Variants in ACACB observed in about 807,000 individuals in gnomAD.
ACACB encodes acetyl-CoA carboxylase 2.
In ACACB, 209 loss-of-function variants were observed where a neutral mutation model predicts 278.8. That is an observed-to-expected ratio of 0.75 (90% CI 0.67 to 0.84). ACACB has a LOEUF of 0.84. Ranked by LOEUF, ACACB falls within the 40% of genes least tolerant of loss-of-function variation. The pLI is 0.00. For missense variants in ACACB, 2,850 were observed against 3,269.0 expected, an observed-to-expected ratio of 0.87 and a Z score of 3.13; for synonymous variants, 1,174 against 1,285.6, an observed-to-expected ratio of 0.91 and a Z score of 1.86.
rs1411900970 is a variant in ACACB at position 109,233,860 on chromosome 12, G to A, written c.4239+13G>A. The A allele has an allele frequency of 6.2e-7, 1 of 1,614,020 alleles. No individual in the cohort carries two copies. Among genetic ancestry groups the A allele is most frequent in the Admixed American group, 1.7e-5 (1 of 60,030 alleles). On this transcript the variant is annotated intron_variant, in intron 30 of 52. Transcript: ENST00000338432. ...GGATGACTGCAAGGTAAGCGTCTAA[G>A]CCCAGGGAGCAACCTGGGGAGCAGG... is the stretch of plus-strand genomic sequence containing the variant.
rs372040414 is a variant in ACACB at position 109,209,288 on chromosome 12, C to T, written c.3184C>T (p.Arg1062Cys). 3.1e-5 allele frequency: 50 copies of T among 1,612,550 alleles called. No homozygotes were observed. The highest frequency in any genetic ancestry group is 1.7e-4 in the Admixed American group (10 of 59,958). ...CCCCGCCCCTGTGGAGAAGTCTGTC[C>T]GCAGGGTGATGGCCCAGTATGCCAG... ...RIPAPVEKSV[R>C]RVMAQYASNI... is the part of the protein sequence containing the mutation. Residue 1062 changes from arginine (R) to cysteine (C), a missense_variant, in exon 21 of 53, where the codon CGC becomes TGC. Physicochemically the swap from Arg to Cys is radical, Grantham distance 180. Transcript: ENST00000338432.
chr12:109,203,494 G>A (rs1369271401), intron 19 of ACACB, among the ~76,000 whole-genome samples: 1 of 152,210 alleles, frequency 6.6e-6, no homozygotes, highest in Non-Finnish European at 1.5e-5. Flanking sequence ...TTGTCTTGTT[G>A]CTTTATTATT....
chr12:109,257,243 C>T (rs1021504956), intron 45 of ACACB, among the ~76,000 whole-genome samples: 1 of 151,892 alleles, frequency 6.6e-6, no homozygotes, highest in Non-Finnish European at 1.5e-5. Context: ...CATTGCACTC[C>T]AGCCTGGGTG....
At chr12:109,170,912 T>C (rs1047669342) in intron 4 of ACACB, among the ~76,000 whole-genome samples, 9 of 151,824 alleles carry the variant, frequency 5.9e-5, no homozygotes, top group South Asian at 2.1e-4. Context: ...TCACGACTCA[T>C]TGTAGCCTCG....
At chr12:109,237,599 T>C (rs1218858399) in intron 34 of ACACB, among the ~76,000 whole-genome samples, 1 of 152,094 alleles carries the variant, frequency 6.6e-6, no homozygotes, top group Non-Finnish European at 1.5e-5. Context: ...TTTCTTGTAT[T>C]ATGTGGGTCT....
chr12:109,255,499 T>C (rs2047202302), intron 44 of ACACB, among the ~76,000 whole-genome samples: 1 of 152,238 alleles, frequency 6.6e-6, no homozygotes, highest in South Asian at 2.1e-4. Flanking sequence ...GTCAGGCCAG[T>C]CCTCGGCAGA....
chr12:109,231,136 T>A (rs73398071), intron 28 of ACACB, among the ~76,000 whole-genome samples: 2,929 of 150,758 alleles, frequency 0.019, 80 homozygotes, highest in African/African-American at 0.067. Context: ...CAAGGGAAGG[T>A]CAGATGAGAA....
chr12:109,208,091 A>G (rs890804048), intron 20 of ACACB, among the ~76,000 whole-genome samples: 1 of 152,174 alleles, frequency 6.6e-6, no homozygotes, highest in Non-Finnish European at 1.5e-5. Context: ...ACAGAGACTA[A>G]GAGACTTGCT....
At chr12:109,163,635 A>G (rs34271) in intron 2 of ACACB, among the ~76,000 whole-genome samples, 84,367 of 151,928 alleles carry the variant, frequency 0.56, 25,104 homozygotes, top group Middle Eastern at 0.71. Flanking sequence ...TCATCAAGGA[A>G]GTATTTGTTT....
At chr12:109,116,243 G>A (rs556873862), upstream of ACACB, among the ~76,000 whole-genome samples, 6 of 152,270 alleles carry the variant, frequency 3.9e-5, no homozygotes, top group East Asian at 9.6e-4. Context: ...TCCCATTCAC[G>A]GTTTTCAATG....
intron 43 of ACACB, 109 bp from the exon 44 acceptor site, chr12:109,254,105 A>T: frequency 7.5e-7 from 1 of 1,336,512 alleles, no homozygotes; most frequent in South Asian, 1.2e-5. Flanking sequence ...TAGGGAGGGG[A>T]TATTGCTGCA....
chr12:109,227,735 A>C (rs184826046), intron 28 of ACACB, among the ~76,000 whole-genome samples: 18 of 152,348 alleles, frequency 1.2e-4, no homozygotes, highest in African/African-American at 4.3e-4. Flanking sequence ...TATTTACATT[A>C]AAATGAATGC....
intron 16 of ACACB, among the ~76,000 whole-genome samples, chr12:109,195,720 T>TA (rs1482661917): frequency 4.0e-5 from 6 of 149,362 alleles, no homozygotes; most frequent in Non-Finnish European, 8.8e-5. Context: ...TCCATGTTAT[T>TA]AACAAGTTTT....
chr12:109,232,523 A>C (rs1206002950), intron 28 of ACACB, 146 bp from the exon 29 acceptor site: 2 of 996,532 alleles, frequency 2.0e-6, no homozygotes, highest in South Asian at 1.7e-5. Flanking sequence ...GGCCCCAGCC[A>C]TTGTCTCATC....
chr12:109,154,502 A>T (rs1276055268), intron 2 of ACACB, among the ~76,000 whole-genome samples: 1 of 152,200 alleles, frequency 6.6e-6, no homozygotes, highest in Non-Finnish European at 1.5e-5. Context: ...CTTTAAAAAT[A>T]TATATCTCCG....
Position 109,256,148 on chromosome 12 carries a change from G to A in ACACB, c.6175G>A (p.Gly2059Arg). The A allele has an allele frequency of 6.2e-7, 1 of 1,613,802 alleles. No homozygotes were observed. The highest frequency in any genetic ancestry group is 1.3e-5 in the African/African-American group (1 of 75,026). ...TGCCCTTCTGTCCACAGCTCTGAAGGGAACGTGGCAGAGCGGATTCTTTGA... is the reference window on the plus strand; with the variant it reads ...TGCCCTTCTGTCCACAGCTCTGAAGAGAACGTGGCAGAGCGGATTCTTTGA... Reference protein sequence around the residue: ...LAGRPHPTLKGTWQSGFFDHG... With the variant: ...LAGRPHPTLKRTWQSGFFDHG... Residue 2059 changes from glycine (G) to arginine (R), a missense_variant, in exon 45 of 53, where the codon GGA (glycine) becomes AGA (arginine). Physicochemically the swap from Gly to Arg is moderately radical, Grantham distance 125. Coordinates refer to ENST00000338432, the MANE Select transcript of ACACB (RefSeq NM_001093.4).
chr12:109,216,532 T>C, intron 22 of ACACB, 86 bp from the exon 23 acceptor site: 1 of 1,412,034 alleles, frequency 7.1e-7, no homozygotes, highest in Non-Finnish European at 9.8e-7. Context: ...TCCTTTCTCT[T>C]TTTAAAAATC....
intron 16 of ACACB, 30 bp downstream of exon 16, chr12:109,193,759 C>T: frequency 6.4e-7 from 1 of 1,557,990 alleles, no homozygotes; most frequent in Non-Finnish European, 8.9e-7. Context: ...TCCGATGTCT[C>T]CAACACTCTG....
chr12:109,212,528 G>A (rs886323676), intron 21 of ACACB, among the ~76,000 whole-genome samples: 1 of 152,054 alleles, frequency 6.6e-6, no homozygotes, highest in Non-Finnish European at 1.5e-5. Context: ...TTATCGTAAC[G>A]AGCATGCAAC....
Sources: gnomAD v4.1 joint callset for allele counts (sites outside exome capture counted in the v4.1 genomes callset) on GRCh38, gnomAD v4.1.1 for gene constraint, MANE v1.5 for transcripts, NCBI Gene and HGNC (gene_info 2026-07-23, HGNC 2026-07-21) for gene names.